TOE1: variants seen among roughly 807,000 people sequenced by gnomAD.
The protein encoded by TOE1 is target of EGR1 protein 1.
TOE1 carries 50 observed loss-of-function variants against 49.2 expected under a neutral mutation model. The observed-to-expected ratio is 1.02, with a 90% CI of 0.81 to 1.29. The LOEUF (loss-of-function observed/expected upper bound fraction) is 1.29. Among genes scored for constraint, TOE1 ranks in the 50% most tolerant of loss-of-function variants. The pLI, the probability that TOE1 is intolerant of heterozygous loss-of-function variation, is 0.00. For missense variants in TOE1, 544 were observed against 654.4 expected, an observed-to-expected ratio of 0.83 and a Z score of 1.84; for synonymous variants, 221 against 247.0, an observed-to-expected ratio of 0.89 and a Z score of 0.99.
chr1:45,341,551 C>T lies in TOE1; in HGVS notation c.315C>T (p.Phe105=), dbSNP rs746652920. Residue 105 remains phenylalanine (F), a synonymous_variant, in exon 4 of 8, where the codon TTC becomes TTT. Coordinates refer to ENST00000372090, the MANE Select transcript of TOE1 (RefSeq NM_025077.4). Reference sequence around the variant, plus strand: ...TCCTTTCCCTGGGCCTCGCCTGCTTCAAGCGGCAGCCAGACAAGGTATGAG... The same window carrying T: ...TCCTTTCCCTGGGCCTCGCCTGCTTTAAGCGGCAGCCAGACAAGGTATGAG... ...RSILSLGLAC[F]KRQPDKGEHS... 6.2e-7 allele frequency: 1 copy of T among 1,613,732 alleles called. No individual in the cohort carries two copies. Among genetic ancestry groups the T allele is most frequent in the South Asian group, 1.1e-5 (1 of 90,972 alleles).
At position 45,342,125 on chromosome 1, in the gene TOE1, C is replaced by A. The variant is rs776783820; in HGVS notation, c.492+18C>A. On this transcript the variant is annotated intron_variant, in intron 5 of 7. Transcript: ENST00000372090. ...ATGACAAGGTAGGCCTCTAGCCTCCCTAGCCTTGAGTCTGCCCTTTCTGTG... is the reference window on the plus strand; with the variant it reads ...ATGACAAGGTAGGCCTCTAGCCTCCATAGCCTTGAGTCTGCCCTTTCTGTG... The A allele has an allele frequency of 1.2e-6, 2 of 1,612,722 alleles. No individual in the cohort carries two copies. Among genetic ancestry groups the A allele is most frequent in the East Asian group, 4.5e-5 (2 of 44,850 alleles).
At position 45,343,146 on chromosome 1, in the gene TOE1, A is replaced by C. The variant is rs374613968; in HGVS notation, c.977A>C (p.Asp326Ala). The change falls in exon 8 of 8, where the codon GAC (aspartate) becomes GCC (alanine). Residue 326 changes from aspartate to alanine, a missense_variant. Transcript: ENST00000372090. This position sits in a 1 kb window ranked among gnomAD's most constrained non-coding sequence, Gnocchi z 4.3. ...PQSHDIDLII[D>A]TDEAAAEDKR... is the part of the protein sequence containing the mutation. ...TCTCACGATATTGACCTTATCATTG[A>C]CACTGATGAGGCTGCGGCAGAGGAC... 8.1e-6 allele frequency: 13 copies of C among 1,613,922 alleles called. No individual in the cohort carries two copies. The East Asian group carries it at 2.7e-4, about 33-fold the overall frequency.
At chr1:45,340,995 C>T in intron 1 of TOE1, 78 bp from the exon 2 acceptor site, 6 of 1,594,882 alleles carry the variant, frequency 3.8e-6, no homozygotes, top group South Asian at 1.1e-5. Flanking sequence ...TTACCACCAT[C>T]ACCGTGGCCT....
chr1:45,341,608 G>T, intron 4 of TOE1, 39 bp downstream of exon 4: 1 of 1,574,572 alleles, frequency 6.4e-7, no homozygotes, highest in Non-Finnish European at 8.7e-7. Context: ...GTGTGGCTGT[G>T]GGGTGGAGGG....
In TOE1 at chr1:45,343,695, G is replaced by T. The variant is rs1374580311; in HGVS notation, c.1526G>T (p.Ser509Ile). Residue 509 changes from serine to isoleucine, a missense_variant, in exon 8 of 8, where the codon AGT (serine) becomes ATT (isoleucine). By Grantham distance (142) the Ser-to-Ile change is moderately radical (BLOSUM62 -2). Coordinates refer to ENST00000372090, the MANE Select transcript of TOE1 (RefSeq NM_025077.4). This position sits in a 1 kb window ranked among gnomAD's most constrained non-coding sequence, Gnocchi z 4.3. ...CAGAAGATGAAGCTCACTTGGGGCA[G>T]TAGCTGATGCAACTTCCACCTTGCT... ...HNQKMKLTWG[S>I]S 6.2e-7 allele frequency: 1 copy of T among 1,605,152 alleles called. No individual in the cohort carries two copies. The highest frequency in any genetic ancestry group is 1.3e-5 in the African/African-American group (1 of 74,714).
chr1:45,340,643 AG>A, intron 1 of TOE1: 10 of 1,245,992 alleles, frequency 8.0e-6, no homozygotes, highest in Non-Finnish European at 1.0e-5. Context: ...GGGCACTGCC[AG>A]GCTCTGGGGC....
chr1:45,342,239 A>C, intron 5 of TOE1, 132 bp downstream of exon 5: 2 of 1,502,484 alleles, frequency 1.3e-6, no homozygotes, highest in Non-Finnish European at 1.8e-6. Context: ...GGGCTTGGGA[A>C]ACAAGACTGG....
In TOE1 at chr1:45,343,520, A is replaced by C; in HGVS notation, c.1351A>C (p.Met451Leu). The change falls in exon 8 of 8, where the codon ATG (methionine) becomes CTG (leucine). Residue 451 changes from methionine (M) to leucine (L), a missense_variant. Physicochemically the swap from Met to Leu is conservative, Grantham distance 15 (BLOSUM62 2). Coordinates refer to ENST00000372090, the MANE Select transcript of TOE1 (RefSeq NM_025077.4). The surrounding 1 kb of genome is among the most constrained non-coding windows in gnomAD (Gnocchi z 4.3). ...GFDAFMTGYVMAYVEVSQGPQ... is the reference protein window; with the variant it reads ...GFDAFMTGYVLAYVEVSQGPQ... ...TGATGCCTTTATGACAGGTTATGTG[A>C]TGGCCTATGTGGAAGTGAGCCAGGG... 6.2e-7 allele frequency: 1 copy of C among 1,614,080 alleles called. No homozygotes were observed. The highest frequency in any genetic ancestry group is 2.2e-5 in the East Asian group (1 of 44,876).
chr1:45,341,896 C>T, intron 4 of TOE1, 53 bp from the exon 5 acceptor site: 3 of 1,587,570 alleles, frequency 1.9e-6, no homozygotes, highest in Non-Finnish European at 2.6e-6. Context: ...CTTTTGCATC[C>T]TCCTAGCTTG....
At chr1:45,341,760 C>T (rs1287043964) in intron 4 of TOE1, among the ~76,000 whole-genome samples, 189 bp from the exon 5 acceptor site, 2 of 151,364 alleles carry the variant, frequency 1.3e-5, no homozygotes, top group African/African-American at 2.4e-5. Flanking sequence ...TCTTTAGTGG[C>T]AATTTCTGAG....
chr1:45,340,504 T>G, intron 1 of TOE1, 200 bp downstream of exon 1: 2 of 1,438,190 alleles, frequency 1.4e-6, no homozygotes, highest in South Asian at 2.9e-5. Flanking sequence ...ATGGGGCTGA[T>G]GGAGGCATGG....
intron 1 of TOE1, 104 bp downstream of exon 1, chr1:45,340,408 T>C: frequency 6.5e-7 from 1 of 1,537,710 alleles, no homozygotes; most frequent in Non-Finnish European, 8.8e-7. Flanking sequence ...AGAGGACTGC[T>C]CCTTCCGCCT....
rs759446796 is a variant in TOE1, at chr1:45,343,393, G to A, written c.1224G>A (p.Lys408=). ...GNKNDLEMGI[K]AARPEIADRA... is the part of the protein sequence containing the mutation. Reference sequence around the variant, plus strand: ...AAAATGACTTAGAGATGGGGATTAAGGCAGCAAGGCCTGAAATAGCTGATA... The same window carrying A: ...AAAATGACTTAGAGATGGGGATTAAAGCAGCAAGGCCTGAAATAGCTGATA... Residue 408 remains lysine, a synonymous_variant, in exon 8 of 8, where the codon AAG becomes AAA. Transcript: ENST00000372090. This position sits in a 1 kb window ranked among gnomAD's most constrained non-coding sequence, Gnocchi z 4.3. 6.2e-7 allele frequency: 1 copy of A among 1,614,110 alleles called. No individual in the cohort carries two copies. Among genetic ancestry groups the A allele is most frequent in the Non-Finnish European group, 8.5e-7 (1 of 1,180,012 alleles).
chr1:45,341,666 T>C, intron 4 of TOE1, 97 bp downstream of exon 4: 1 of 1,161,686 alleles, frequency 8.6e-7, no homozygotes. Context: ...CTCTCCCAAA[T>C]CTTTTTTTTT....
rs561466500 is a variant in TOE1 at position 45,343,309 on chromosome 1, C to A, written c.1140C>A (p.Thr380=). 1.2e-6 allele frequency: 2 copies of A among 1,613,960 alleles called. No individual in the cohort carries two copies. The highest frequency in any genetic ancestry group is 1.7e-6 in the Non-Finnish European group (2 of 1,180,010). ...VCGDSIKPEE[T]EQEVAADETR... is the part of the protein sequence containing the mutation. ...GGGATAGCATCAAGCCTGAAGAAAC[C>A]GAGCAGGAGGTGGCTGCCGATGAAA... Residue 380 remains threonine (T), a synonymous_variant, in exon 8 of 8, where the codon ACC becomes ACA. Coordinates refer to ENST00000372090, the MANE Select transcript of TOE1 (RefSeq NM_025077.4). The surrounding 1 kb of genome is among the most constrained non-coding windows in gnomAD (Gnocchi z 4.3).
intron 1 of TOE1, chr1:45,340,635 G>A: frequency 7.9e-7 from 1 of 1,268,536 alleles, no homozygotes; most frequent in African/African-American, 1.5e-5. Flanking sequence ...CTGGTGTGGG[G>A]CACTGCCAGG....
At chr1:45,340,464 C>T in intron 1 of TOE1, 160 bp downstream of exon 1, 1 of 1,474,900 alleles carries the variant, frequency 6.8e-7, no homozygotes. Context: ...CACCGCGGCT[C>T]CGGCTGCAAA....
intron 2 of TOE1, 23 bp from the exon 3 acceptor site, chr1:45,341,280 A>G (rs769758838): frequency 1.4e-5 from 22 of 1,613,488 alleles, no homozygotes; most frequent in South Asian, 4.4e-5. Flanking sequence ...GCCTGTCACA[A>G]CTCTCCCTTT....
intron 1 of TOE1, 65 bp downstream of exon 1, chr1:45,340,369 C>T (rs1427525250): frequency 2.6e-6 from 4 of 1,562,682 alleles, no homozygotes; most frequent in Non-Finnish European, 2.6e-6. Flanking sequence ...AGGCCTCGGG[C>T]TCATAGTTCT....
Sources: gnomAD v4.1 joint callset for allele counts (sites outside exome capture counted in the v4.1 genomes callset) on GRCh38, gnomAD v4.1.1 for gene constraint, Gnocchi (gnomAD v3.1) non-coding constraint, MANE v1.5 for transcripts, NCBI Gene and HGNC (gene_info 2026-07-23, HGNC 2026-07-21) for gene names.